Variants in NRG1 observed in about 807,000 individuals in gnomAD.
NRG1 encodes the protein neuregulin 1.
In NRG1, 18 loss-of-function variants were observed where a neutral mutation model predicts 63.8. That is an observed-to-expected ratio of 0.28 (90% confidence interval 0.19 to 0.42). NRG1 has a LOEUF of 0.42. Ranked by LOEUF, NRG1 falls within the 10% of genes least tolerant of loss-of-function variation. The pLI is 1.00. For missense variants in NRG1, 762 were observed against 814.7 expected, an observed-to-expected ratio of 0.94 and a Z score of 0.79; for synonymous variants, 302 against 301.3, an observed-to-expected ratio of 1.00 and a Z score of -0.02.
chr8:32,732,231 A>G (rs1823864556), intron 6 of NRG1, among the ~76,000 whole-genome samples: 1 of 152,222 alleles, frequency 6.6e-6, no homozygotes, highest in Non-Finnish European at 1.5e-5. Flanking sequence ...GATTATAAAA[A>G]GATGAGAAAA....
chr8:32,671,271 T>G (rs1203111760), intron 5 of NRG1, among the ~76,000 whole-genome samples: 1 of 152,168 alleles, frequency 6.6e-6, no homozygotes, highest in African/African-American at 2.4e-5. Context: ...TTGTTCCTCC[T>G]CATCATATTA....
chr8:31,887,417 C>T (rs781580860), intron 1 of NRG1, among the ~76,000 whole-genome samples: 10 of 151,834 alleles, frequency 6.6e-5, no homozygotes, highest in Non-Finnish European at 1.0e-4. Flanking sequence ...GCTTTATTTC[C>T]CAGCTCTCTG....
chr8:32,173,756 A>C (rs1485713820), intron 1 of NRG1, among the ~76,000 whole-genome samples: 1 of 152,152 alleles, frequency 6.6e-6, no homozygotes, highest in East Asian at 1.9e-4. Flanking sequence ...GCCATTACAT[A>C]ATGGTAAAGG....
intron 1 of NRG1, among the ~76,000 whole-genome samples, chr8:32,150,246 TGG>T (rs1837355875): frequency 1.3e-5 from 2 of 152,184 alleles, no homozygotes; most frequent in African/African-American, 2.4e-5. Flanking sequence ...CACAATTTAG[TGG>T]AAAATACACA....
chr8:32,713,804 T>C (rs1818450228), intron 5 of NRG1, among the ~76,000 whole-genome samples: 1 of 147,850 alleles, frequency 6.8e-6, no homozygotes, highest in Admixed American at 6.8e-5. Context: ...AACATAAATA[T>C]ATATGATATT....
At chr8:31,764,731 C>T (rs1586238454) in intron 1 of NRG1, among the ~76,000 whole-genome samples, 1 of 152,042 alleles carries the variant, frequency 6.6e-6, no homozygotes, top group Non-Finnish European at 1.5e-5. Flanking sequence ...CATTTACTTA[C>T]ATCTTCTTTG....
intron 1 of NRG1, among the ~76,000 whole-genome samples, chr8:32,577,936 A>G (rs1839958730): frequency 6.6e-6 from 1 of 152,150 alleles, no homozygotes; most frequent in Non-Finnish European, 1.5e-5. Context: ...AAAACCAGCC[A>G]CCACTTGCAG....
intron 1 of NRG1, among the ~76,000 whole-genome samples, chr8:32,451,621 G>A (rs887283866): frequency 2.0e-5 from 3 of 152,232 alleles, no homozygotes; most frequent in Admixed American, 6.5e-5. Flanking sequence ...CGTAAAGATG[G>A]GGATCAAATT....
chr8:31,842,629 A>G (rs1826299505), intron 1 of NRG1, among the ~76,000 whole-genome samples: 1 of 142,502 alleles, frequency 7.0e-6, no homozygotes, highest in African/African-American at 2.6e-5. Flanking sequence ...ACTCTAAGGG[A>G]TCATGTCTAA....
chr8:31,951,241 C>T (rs1803416579), intron 1 of NRG1, among the ~76,000 whole-genome samples: 1 of 152,090 alleles, frequency 6.6e-6, no homozygotes, highest in Admixed American at 6.6e-5. Context: ...GTTTGGGTAC[C>T]CACTCTTTGA....
intron 1 of NRG1, among the ~76,000 whole-genome samples, chr8:32,482,797 G>T (rs974070589): frequency 6.6e-6 from 1 of 152,176 alleles, no homozygotes; most frequent in Non-Finnish European, 1.5e-5. Flanking sequence ...GGGGGAAGAG[G>T]GTGGGAACAG....
chr8:32,124,219 T>C (rs1417673744), intron 1 of NRG1, among the ~76,000 whole-genome samples: 1 of 151,944 alleles, frequency 6.6e-6, no homozygotes, highest in African/African-American at 2.4e-5. Flanking sequence ...TTCAAAGCAT[T>C]CTTTAGCCAT....
At chr8:32,587,547 C>G (rs943013888) in intron 1 of NRG1, among the ~76,000 whole-genome samples, 6 of 152,144 alleles carry the variant, frequency 3.9e-5, no homozygotes, top group Admixed American at 3.3e-4. Flanking sequence ...CAAACAATGT[C>G]ACAGGGCCTC....
intron 1 of NRG1, among the ~76,000 whole-genome samples, chr8:31,783,933 T>A (rs1037406316): frequency 2.6e-5 from 4 of 152,216 alleles, no homozygotes; most frequent in African/African-American, 9.7e-5. Context: ...CCATACATTT[T>A]CTTATACAAT....
chr8:32,593,961 T>G (rs1338485030), intron 1 of NRG1, among the ~76,000 whole-genome samples: 1 of 151,732 alleles, frequency 6.6e-6, no homozygotes, highest in Non-Finnish European at 1.5e-5. Context: ...GTCAACTACA[T>G]TAAATGGCTG....
chr8:31,783,462 C>T (rs1027726421), intron 1 of NRG1, among the ~76,000 whole-genome samples: 1 of 152,022 alleles, frequency 6.6e-6, no homozygotes, highest in Non-Finnish European at 1.5e-5. Context: ...GAAAGAGACC[C>T]CAACTGGAAA....
chr8:31,784,420 C>G (rs890244888), intron 1 of NRG1, among the ~76,000 whole-genome samples: 4 of 152,020 alleles, frequency 2.6e-5, no homozygotes, highest in African/African-American at 7.3e-5. Flanking sequence ...CAAAAATACC[C>G]TAGGGTAAAG....
In NRG1 at chr8:32,311,500, G is replaced by A. The variant is rs189397164; in HGVS notation, c.38-284328G>A. 4.0e-3 allele frequency among the ~76,000 whole-genome samples: 614 copies of A among 152,218 alleles called. 1 individual carries two copies. Among genetic ancestry groups the A allele is most frequent in the Non-Finnish European group, 6.2e-3 (420 of 68,008 alleles). ...AAGCACAAGGCCCTAGAGGAAGAAT[G>A]AGAACTGTGAGCTCAAAAACCTAGA... On this transcript the variant is annotated intron_variant, in intron 1 of 10. Coordinates refer to the NRG1 transcript ENST00000519301.
chr8:32,291,533 C>CTTTTTTT (rs757839225), intron 1 of NRG1, among the ~76,000 whole-genome samples: 9 of 98,030 alleles, frequency 9.2e-5, no homozygotes, highest in East Asian at 6.2e-4. Flanking sequence ...TTTTTATCCA[C>CTTTTTTT]TTTTTTTTTT....
Sources: gnomAD v4.1 joint callset for allele counts (sites outside exome capture counted in the v4.1 genomes callset) on GRCh38, gnomAD v4.1.1 for gene constraint, MANE v1.5 for transcripts, NCBI Gene and HGNC (gene_info 2026-07-23, HGNC 2026-07-21) for gene names.